Variants in INSYN2B observed in about 807,000 individuals in gnomAD.
The protein encoded by INSYN2B is protein INSYN2B.
INSYN2B carries 16 observed loss-of-function variants against 41.2 expected under a neutral mutation model. The observed-to-expected ratio is 0.39, with a 90% CI of 0.26 to 0.59. INSYN2B has a LOEUF of 0.59. Among genes scored for constraint, INSYN2B ranks in the 20% least tolerant of loss-of-function variants. The pLI is 0.57. For synonymous variants in INSYN2B, 245 were observed against 244.4 expected (o/e 1.00, Z -0.02); for missense variants, 608 against 646.4 (o/e 0.94, Z 0.64).
rs1581352037 is a variant in INSYN2B, at chr5:169,882,896, T to G, written c.1003A>C (p.Asn335His). 1 of 1,551,814 alleles carries G rather than the reference T, an allele frequency of 6.4e-7. No individual in the cohort carries two copies. Among genetic ancestry groups the G allele is most frequent in the East Asian group, 2.4e-5 (1 of 40,904 alleles). The change falls in exon 2 of 4, where the codon AAT becomes CAT. Residue 335 changes from asparagine to histidine, a missense_variant. Coordinates refer to ENST00000377365, the MANE Select transcript of INSYN2B (RefSeq NM_001129891.3). The stretch of plus-strand genomic sequence containing the variant: ...TTGAGTGACACCAGATTCTGGTGAT[T>G]GTTACTTGATGAAGGACAGTCTGAG... ...RASDCPSSSN[N>H]HQNLVSLKTN...
chr5:169,895,447 G>A (rs1289110653), intron 1 of INSYN2B, among the ~76,000 whole-genome samples: 1 of 151,946 alleles, frequency 6.6e-6, no homozygotes, highest in Admixed American at 6.6e-5. Context: ...GACAGGGGGT[G>A]GTCTCACTCC....
At chr5:169,944,430 G>A (rs954684014) in intron 1 of INSYN2B, among the ~76,000 whole-genome samples, 8 of 152,198 alleles carry the variant, frequency 5.3e-5, no homozygotes, top group Admixed American at 4.6e-4. Context: ...CAGTTGCAAG[G>A]AGCCAGCCGT....
intron 1 of INSYN2B, among the ~76,000 whole-genome samples, chr5:169,979,704 T>A (rs1581500322): frequency 6.6e-6 from 1 of 152,194 alleles, no homozygotes; most frequent in African/African-American, 2.4e-5. Flanking sequence ...TGTCCAAACT[T>A]CAGTCACATT....
At chr5:169,872,606 G>C (rs1772053482) in intron 3 of INSYN2B, among the ~76,000 whole-genome samples, 1 of 152,186 alleles carries the variant, frequency 6.6e-6, no homozygotes, top group South Asian at 2.1e-4. Context: ...TCTGCTGATA[G>C]CTATATCTGA....
Position 169,882,829 on chromosome 5 carries a change from T to C in INSYN2B, c.1070A>G (p.Gln357Arg). 1.9e-6 allele frequency: 3 copies of C among 1,550,998 alleles called. No homozygotes were observed. The highest frequency in any genetic ancestry group is 2.6e-6 in the Non-Finnish European group (3 of 1,146,468). The change falls in exon 2 of 4, where the codon CAG (glutamine) becomes CGG (arginine). Residue 357 changes from glutamine (Q) to arginine (R), a missense_variant. By Grantham distance (43) the Gln-to-Arg change is conservative. Coordinates refer to ENST00000377365, the MANE Select transcript of INSYN2B (RefSeq NM_001129891.3). ...ASKSAPGCQE[Q>R]TANNPTESDT... Reference sequence around the variant, plus strand: ...TGACTCGGTGGGGTTGTTTGCCGTCTGCTCCTGACACCCAGGGGCAGATTT... The same window carrying C: ...TGACTCGGTGGGGTTGTTTGCCGTCCGCTCCTGACACCCAGGGGCAGATTT...
chr5:169,934,630 G>A (rs1275303232), intron 1 of INSYN2B: 2 of 456,192 alleles, frequency 4.4e-6, no homozygotes, highest in Non-Finnish European at 8.8e-6. Flanking sequence ...CCCTTGCTAA[G>A]TCTTGTCTCC....
chr5:169,911,377 A>G (rs2113620134), intron 1 of INSYN2B, among the ~76,000 whole-genome samples: 1 of 152,268 alleles, frequency 6.6e-6, no homozygotes, highest in African/African-American at 2.4e-5. Context: ...TATGGCGTTC[A>G]CAGGACATCA....
At chr5:169,961,737 G>A (rs967116734) in intron 1 of INSYN2B, among the ~76,000 whole-genome samples, 1 of 152,066 alleles carries the variant, frequency 6.6e-6, no homozygotes, top group African/African-American at 2.4e-5. Context: ...CAGCACTTTG[G>A]GAGGCCGAGG....
At chr5:169,867,572 CATCT>C (rs1043231844) in intron 3 of INSYN2B, among the ~76,000 whole-genome samples, 32 of 151,910 alleles carry the variant, frequency 2.1e-4, no homozygotes, top group Non-Finnish European at 4.3e-4. Context: ...TATTATCTAT[CATCT>C]ATCTGTCATC....
intron 1 of INSYN2B, among the ~76,000 whole-genome samples, chr5:169,974,530 T>A (rs6873319): frequency 0.013 from 1,936 of 152,290 alleles, 42 homozygotes; most frequent in African/African-American, 0.044. Flanking sequence ...AGACTTCACA[T>A]CCTGTTGGGA....
chr5:169,950,379 A>G (rs1239576899), intron 1 of INSYN2B, among the ~76,000 whole-genome samples: 1 of 152,220 alleles, frequency 6.6e-6, no homozygotes, highest in Non-Finnish European at 1.5e-5. Context: ...AGCACTCAAA[A>G]AACAGTAGTA....
intron 1 of INSYN2B, among the ~76,000 whole-genome samples, chr5:169,941,894 G>A (rs1221746899): frequency 1.3e-5 from 2 of 152,156 alleles, no homozygotes; most frequent in Non-Finnish European, 2.9e-5. Context: ...GCTGCATCAG[G>A]AACTCTGTCA....
At chr5:169,921,024 A>G (rs1469304413) in intron 1 of INSYN2B, among the ~76,000 whole-genome samples, 2 of 152,202 alleles carry the variant, frequency 1.3e-5, no homozygotes, top group Admixed American at 1.3e-4. Flanking sequence ...TTGCAAGAAT[A>G]TGTTTTATTC....
intron 1 of INSYN2B, among the ~76,000 whole-genome samples, chr5:169,939,622 G>C (rs1776150317): frequency 6.6e-6 from 1 of 152,094 alleles, no homozygotes; most frequent in Non-Finnish European, 1.5e-5. Flanking sequence ...GTGATGCATT[G>C]TGTTATGACA....
intron 1 of INSYN2B, among the ~76,000 whole-genome samples, chr5:169,972,067 C>T (rs1184111473): frequency 6.6e-6 from 1 of 152,232 alleles, no homozygotes; most frequent in Non-Finnish European, 1.5e-5. Flanking sequence ...CCCAGACAGT[C>T]ACTACCAATC....
In INSYN2B at chr5:169,889,052, T is replaced by C. The variant is rs963824893; in HGVS notation, c.-918-4236A>G. 2.6e-5 allele frequency among the ~76,000 whole-genome samples: 4 copies of C among 152,194 alleles called. No individual in the cohort carries two copies. In the South Asian group the frequency reaches 8.3e-4, roughly 32 times the overall value. ...GACTCTAAGCTCCTTGAGAGACATG[T>C]GGTAATGGTCTACTCTGAGTCCTTA... On this transcript the variant is annotated intron_variant, in intron 1 of 3. Transcript: ENST00000377365.
intron 3 of INSYN2B, among the ~76,000 whole-genome samples, chr5:169,870,635 G>T (rs1771901615): frequency 6.6e-6 from 1 of 151,134 alleles, no homozygotes; most frequent in South Asian, 2.1e-4. Context: ...TAAGTTTTAG[G>T]GTACATGTGC....
chr5:169,915,021 A>G (rs1207434013), intron 1 of INSYN2B, among the ~76,000 whole-genome samples: 1 of 152,240 alleles, frequency 6.6e-6, no homozygotes, highest in African/African-American at 2.4e-5. Context: ...GCAAACTCAC[A>G]GCACAGTCAG....
In INSYN2B at chr5:169,937,529, A is replaced by G. The variant is rs114899811; in HGVS notation, c.-919+42748T>C. The stretch of plus-strand genomic sequence containing the variant: ...ATAAAAGGCTAATGAGATTAGTAAA[A>G]GCAATGATAATAGGAACATATATTG... On this transcript the variant is annotated intron_variant, in intron 1 of 3. Coordinates refer to ENST00000377365, the MANE Select transcript of INSYN2B (RefSeq NM_001129891.3). Among the ~76,000 whole-genome samples, 946 of 152,368 alleles carry G rather than the reference A, an allele frequency of 6.2e-3. 9 individuals are homozygous for G. The highest frequency in any genetic ancestry group is 0.021 in the African/African-American group (867 of 41,590).
Sources: gnomAD v4.1 joint callset for allele counts (sites outside exome capture counted in the v4.1 genomes callset) on GRCh38, gnomAD v4.1.1 for gene constraint, MANE v1.5 for transcripts, NCBI Gene and HGNC (gene_info 2026-07-23, HGNC 2026-07-21) for gene names.